Variants in HPSE2 observed in about 807,000 individuals in gnomAD.
HPSE2 encodes the protein heparanase 2 (inactive).
Under a neutral mutation model 60.5 loss-of-function variants are expected in HPSE2, and 38 were observed. That is an observed-to-expected ratio of 0.63 (90% CI 0.48 to 0.82). The LOEUF is 0.82. Among genes scored for constraint, HPSE2 ranks in the 40% least tolerant of loss-of-function variants. The probability of loss-of-function intolerance (pLI) is 0.00; values close to 1 mark genes in which losing one functional copy is unlikely to be tolerated. For synonymous variants in HPSE2, 295 were observed against 293.2 expected, an observed-to-expected ratio of 1.01 and a Z score of -0.06; for missense variants, 713 against 740.4, an observed-to-expected ratio of 0.96 and a Z score of 0.43.
At position 98,490,096 on chromosome 10, in the gene HPSE2, A is replaced by G; in HGVS notation, c.1421T>C (p.Ile474Thr). The G allele has an allele frequency of 6.2e-7, 1 of 1,614,216 alleles. No homozygotes were observed. Residue 474 changes from isoleucine to threonine, a missense_variant, in exon 10 of 12, where the codon ATC becomes ACC. Transcript: ENST00000370552. ...LQRKPRPGRV[I>T]RDKLRIYAHC... is the part of the protein sequence containing the mutation. Reference sequence around the variant, plus strand: ...AGCATAAATCCTTAGTTTGTCCCGGATCACTCGGCCAGGCCGTGGCTTCCG... The same window carrying G: ...AGCATAAATCCTTAGTTTGTCCCGGGTCACTCGGCCAGGCCGTGGCTTCCG...
At chr10:99,135,850 A>T (rs1022453627) in intron 3 of HPSE2, among the ~76,000 whole-genome samples, 13 of 152,134 alleles carry the variant, frequency 8.5e-5, no homozygotes, top group Admixed American at 8.5e-4. Context: ...AACAGCAAAC[A>T]AATTCAAAAT....
chr10:99,272,069 G>A, the HPSE2 span, among the ~76,000 whole-genome samples: 14 of 152,218 alleles, frequency 9.2e-5, no homozygotes, highest in East Asian at 3.9e-4. Flanking sequence ...TCAGGAGTTC[G>A]AGACCGGCCA....
intron 2 of HPSE2, among the ~76,000 whole-genome samples, chr10:99,159,252 C>G (rs1207212618): frequency 6.6e-6 from 1 of 151,876 alleles, no homozygotes; most frequent in African/African-American, 2.4e-5. Flanking sequence ...ACTGAAAAAC[C>G]TTGAGCTAGG....
intron 3 of HPSE2, among the ~76,000 whole-genome samples, chr10:98,935,805 C>G (rs1037544867): frequency 6.9e-6 from 1 of 145,204 alleles, no homozygotes; most frequent in Middle Eastern, 3.5e-3. Context: ...CTTAGCAGAG[C>G]TGGTGTGCTG....
chr10:98,967,828 C>T (rs1955851192), intron 3 of HPSE2, among the ~76,000 whole-genome samples: 2 of 152,092 alleles, frequency 1.3e-5, no homozygotes, highest in African/African-American at 4.8e-5. Flanking sequence ...CCAGAAACAA[C>T]CCAATTATGG....
the HPSE2 span, among the ~76,000 whole-genome samples, chr10:99,294,329 T>G: frequency 6.8e-6 from 1 of 147,698 alleles, no homozygotes; most frequent in Non-Finnish European, 1.5e-5. Context: ...TATGTTTATG[T>G]ATTTATATAT....
intron 3 of HPSE2, among the ~76,000 whole-genome samples, chr10:99,057,752 T>G (rs1322157718): frequency 2.0e-5 from 3 of 152,200 alleles, no homozygotes; most frequent in African/African-American, 7.2e-5. Context: ...GCTGACATGG[T>G]GATGAACTTA....
At chr10:98,761,593 C>A (rs1950005378) in intron 3 of HPSE2, among the ~76,000 whole-genome samples, 1 of 152,134 alleles carries the variant, frequency 6.6e-6, no homozygotes, top group Non-Finnish European at 1.5e-5. Flanking sequence ...AAAATAGCTT[C>A]CAAATATGAA....
intron 9 of HPSE2, among the ~76,000 whole-genome samples, chr10:98,601,082 A>G (rs910017408): frequency 6.6e-6 from 1 of 151,266 alleles, no homozygotes; most frequent in East Asian, 2.0e-4. Context: ...CCCAGGGAAG[A>G]GCTGAGGTTG....
At chr10:99,012,520 A>G (rs1957041751) in intron 3 of HPSE2, among the ~76,000 whole-genome samples, 1 of 152,114 alleles carries the variant, frequency 6.6e-6, no homozygotes, top group Non-Finnish European at 1.5e-5. Context: ...ATGGCACCTA[A>G]CACCAATGCC....
chr10:99,014,380 T>C (rs1163089070), intron 3 of HPSE2, among the ~76,000 whole-genome samples: 2 of 152,218 alleles, frequency 1.3e-5, no homozygotes, highest in Admixed American at 6.5e-5. Context: ...GTTGATTCCA[T>C]GTCTTTGCTA....
chr10:98,614,545 G>A (rs961760405), intron 9 of HPSE2, among the ~76,000 whole-genome samples: 7 of 152,086 alleles, frequency 4.6e-5, no homozygotes, highest in Non-Finnish European at 8.8e-5. Context: ...ACCCGCCTTG[G>A]CCTCCCAAAG....
Position 98,568,243 on chromosome 10 carries a change from T to C in HPSE2, c.1320+46661A>G, listed in dbSNP as rs190339069. ...CTCCAGAAGCAAAATGAGTCCTGGG[T>C]GAAGTCCTTAGTTTAAAATCAATTT... is the stretch of plus-strand genomic sequence containing the variant. On this transcript the variant is annotated intron_variant, in intron 9 of 11. Coordinates refer to ENST00000370552, the MANE Select transcript of HPSE2 (RefSeq NM_021828.5). 2.2e-4 allele frequency among the ~76,000 whole-genome samples: 33 copies of C among 152,246 alleles called. No homozygotes were observed. In the East Asian group the frequency reaches 6.4e-3, roughly 29 times the overall value.
At chr10:99,214,758 C>A (rs929074504) in intron 2 of HPSE2, among the ~76,000 whole-genome samples, 3 of 150,668 alleles carry the variant, frequency 2.0e-5, no homozygotes, top group Non-Finnish European at 3.0e-5. Context: ...AAAAAAAAAA[C>A]CATCAAAAAG....
chr10:98,831,613 T>A (rs2134655316), intron 3 of HPSE2, among the ~76,000 whole-genome samples: 1 of 152,316 alleles, frequency 6.6e-6, no homozygotes, highest in East Asian at 1.9e-4. Flanking sequence ...CTCCAACAGA[T>A]AAGAGAGACC....
chr10:98,578,211 C>G (rs1409335084), intron 9 of HPSE2, among the ~76,000 whole-genome samples: 2 of 152,134 alleles, frequency 1.3e-5, no homozygotes, highest in African/African-American at 4.8e-5. Flanking sequence ...TTCACTGTTG[C>G]TGTTTTGTCT....
the HPSE2 span, among the ~76,000 whole-genome samples, chr10:99,295,113 G>GTAA: frequency 6.6e-6 from 1 of 151,708 alleles, no homozygotes; most frequent in East Asian, 1.9e-4. Flanking sequence ...AAAATTAACA[G>GTAA]TAATAATAGC....
intron 9 of HPSE2, among the ~76,000 whole-genome samples, chr10:98,607,146 T>C (rs1398172379): frequency 6.6e-6 from 1 of 150,848 alleles, no homozygotes; most frequent in Non-Finnish European, 1.5e-5. Context: ...AATTGTTTAG[T>C]GTTTTCAGTG....
intron 3 of HPSE2, among the ~76,000 whole-genome samples, chr10:98,770,914 A>T (rs964840180): frequency 6.6e-6 from 1 of 152,200 alleles, no homozygotes; most frequent in Non-Finnish European, 1.5e-5. Context: ...AGCCCCTGAC[A>T]AAAGGTGATG....
Sources: gnomAD v4.1 joint callset for allele counts (sites outside exome capture counted in the v4.1 genomes callset) on GRCh38, gnomAD v4.1.1 for gene constraint, MANE v1.5 for transcripts, NCBI Gene and HGNC (gene_info 2026-07-23, HGNC 2026-07-21) for gene names.